The following SERPINB8 variants were observed in gnomAD, a reference collection of about 807,000 sequenced individuals.
The protein encoded by SERPINB8 is serpin B8.
SERPINB8 carries 25 observed loss-of-function variants against 35.3 expected under a neutral mutation model. The ratio of observed to expected loss-of-function variants is 0.71; its 90% confidence interval spans 0.52 to 0.99. The LOEUF is 0.99. Among genes scored for constraint, SERPINB8 ranks in the 50% least tolerant of loss-of-function variants. SERPINB8 has a pLI of 0.00. For synonymous variants in SERPINB8, 186 were observed against 160.8 expected (o/e 1.16, Z -1.19); for missense variants, 484 against 446.5 (o/e 1.08, Z -0.76).
At chr18:63,997,760 C>G (rs2050857067) in intron 1 of SERPINB8, among the ~76,000 whole-genome samples, 1 of 152,220 alleles carries the variant, frequency 6.6e-6, no homozygotes, top group African/African-American at 2.4e-5. Context: ...ATGTAAAACA[C>G]ATCCCTCTCT....
In SERPINB8 at chr18:63,979,861, G is replaced by A; in HGVS notation, c.229G>A (p.Val77Ile). 6.2e-7 allele frequency: 1 copy of A among 1,614,116 alleles called. No homozygotes were observed. Among genetic ancestry groups the A allele is most frequent in the South Asian group, 1.1e-5 (1 of 91,076 alleles). The change falls in exon 3 of 7, where the codon GTT becomes ATT. Residue 77 changes from valine to isoleucine, a missense_variant. Val to Ile is a conservative substitution (Grantham distance 29). Transcript: ENST00000397985. Reference protein sequence around the residue: ...HRGFQSLLSEVNRTGTQYLLR... With the variant: ...HRGFQSLLSEINRTGTQYLLR... ...AGGTTTCCAGTCACTTCTCAGTGAA[G>A]TTAACAGAACTGGCACTCAGTACTT...
At chr18:64,001,969 G>T (rs1185713729) in intron 1 of SERPINB8, among the ~76,000 whole-genome samples, 3 of 152,174 alleles carry the variant, frequency 2.0e-5, no homozygotes, top group Non-Finnish European at 4.4e-5. Context: ...TGTCCTGGAC[G>T]TGAAATGCTT....
At chr18:64,009,109 T>G (rs213079), downstream of SERPINB8, among the ~76,000 whole-genome samples, 132,628 of 152,182 alleles carry the variant, frequency 0.87, 57,907 homozygotes, top group East Asian at 0.93. Flanking sequence ...CTCAAAAACC[T>G]TAAGATTCTT....
At chr18:63,977,044 G>T (rs994105422) in intron 1 of SERPINB8, among the ~76,000 whole-genome samples, 1 of 151,910 alleles carries the variant, frequency 6.6e-6, no homozygotes, top group East Asian at 1.9e-4. Flanking sequence ...TATTGATAAA[G>T]AATTACATAT....
chr18:63,985,220 C>G lies in SERPINB8; in HGVS notation c.695C>G (p.Pro232Arg), dbSNP rs141770995. The G allele has an allele frequency of 2.5e-5, 41 of 1,614,040 alleles. 1 individual carries two copies. The African/African-American group carries it at 5.1e-4, about 20-fold the overall frequency. ...GAGCTGAGCATGGTCATTCTGCTTC[C>G]CGATGACAACACGGACCTCGCCGTG... ...EEELSMVILL[P>R]DDNTDLAVVE... Residue 232 changes from proline to arginine, a missense_variant, in exon 6 of 7, where the codon CCC (proline) becomes CGC (arginine). By Grantham distance (103) the Pro-to-Arg change is moderately radical. Transcript: ENST00000397985.
chr18:63,981,790 G>A lies in SERPINB8; in HGVS notation c.376G>A (p.Glu126Lys), dbSNP rs2050675773. 1 of 1,613,796 alleles carries A rather than the reference G, an allele frequency of 6.2e-7. No homozygotes were observed. The highest frequency in any genetic ancestry group is 1.1e-5 in the South Asian group (1 of 91,076). The change falls in exon 4 of 7, where the codon GAA (glutamate) becomes AAA (lysine). Residue 126 changes from glutamate to lysine, a missense_variant. Transcript: ENST00000397985. ...GGAGTTGTCCTTTGCTGAAGACACT[G>A]AAGAGTGCAGGAAGCATATAAATGA... ...LEELSFAEDTEECRKHINDWV... is the reference protein window; with the variant it reads ...LEELSFAEDTKECRKHINDWV...
intron 6 of SERPINB8, among the ~76,000 whole-genome samples, chr18:63,985,716 C>G (rs2050743408): frequency 6.6e-6 from 1 of 152,052 alleles, no homozygotes; most frequent in South Asian, 2.1e-4. Context: ...TGGAACCACA[C>G]TATGAATAGC....
chr18:64,001,607 C>T (rs1048255069), intron 1 of SERPINB8, among the ~76,000 whole-genome samples: 1 of 152,126 alleles, frequency 6.6e-6, no homozygotes, highest in Admixed American at 6.5e-5. Flanking sequence ...TCTCATGCCT[C>T]AGCCTCCCAA....
At chr18:63,989,608 T>G (rs2050810004), downstream of SERPINB8, among the ~76,000 whole-genome samples, 1 of 152,156 alleles carries the variant, frequency 6.6e-6, no homozygotes, top group Admixed American at 6.5e-5. Flanking sequence ...TACCGGCTTT[T>G]GGTTGCATTT....
intron 3 of SERPINB8, among the ~76,000 whole-genome samples, chr18:63,980,719 C>G (rs3786344): frequency 0.019 from 2,958 of 152,306 alleles, 68 homozygotes; most frequent in East Asian, 0.085. Context: ...GCCTGATCTA[C>G]TACTGTTGTA....
At position 64,001,475 on chromosome 18, in the gene SERPINB8, G is replaced by GTTTATTTATTTATTTATTTA. The variant is rs59133514; in HGVS notation, c.71-3335_71-3316dup. 2.7e-3 allele frequency among the ~76,000 whole-genome samples: 393 copies of GTTTATTTATTTATTTATTTA among 146,904 alleles called. 3 individuals carry two copies. The highest frequency in any genetic ancestry group is 3.8e-3 in the South Asian group (18 of 4,694). On this transcript the variant is annotated intron_variant, in intron 1 of 1. Coordinates refer to the SERPINB8 transcript ENST00000493661. ...TCTTTTCTTTTCTGTTTGTTTGTTT[G>GTTTATTTATTTATTTATTTA]TTTATTTATTTATTTATTTATTTAT...
At chr18:64,004,642 T>G (rs1272428498) in intron 1 of SERPINB8, among the ~76,000 whole-genome samples, 1 of 152,232 alleles carries the variant, frequency 6.6e-6, no homozygotes, top group Non-Finnish European at 1.5e-5. Flanking sequence ...TTTGGAAATT[T>G]GAAAGCTTGC....
chr18:64,004,845 C>T, exon 2 of SERPINB8: 1 of 398,550 alleles, frequency 2.5e-6, no homozygotes, highest in Non-Finnish European at 4.4e-6. Context: ...CAAGCTTCTT[C>T]TGTGACATTC....
chr18:63,989,385 T>C (rs1166375066), downstream of SERPINB8: 4 of 152,346 alleles, frequency 2.6e-5, no homozygotes, highest in African/African-American at 9.6e-5. Flanking sequence ...CATCTTTGTA[T>C]GGACATATGT....
chr18:63,981,925 C>G (rs2050678828), intron 4 of SERPINB8, 87 bp downstream of exon 4: 1 of 868,298 alleles, frequency 1.2e-6, no homozygotes, highest in East Asian at 2.4e-5. Context: ...GGTGTTGCCA[C>G]TGTGACCTGC....
At chr18:64,011,139 A>G (rs939395142) in intron 7 of SERPINB8, among the ~76,000 whole-genome samples, 2 of 152,052 alleles carry the variant, frequency 1.3e-5, no homozygotes, top group Non-Finnish European at 2.9e-5. Context: ...TTTCCCTACT[A>G]AAAGACAAAA....
intron 7 of SERPINB8, among the ~76,000 whole-genome samples, chr18:64,011,866 G>T (rs2050927370): frequency 6.6e-6 from 1 of 152,086 alleles, no homozygotes; most frequent in African/African-American, 2.4e-5. Flanking sequence ...CTGGGCTATT[G>T]TATTAACTAT....
At chr18:64,009,495 G>A (rs906932449), downstream of SERPINB8, among the ~76,000 whole-genome samples, 1 of 152,236 alleles carries the variant, frequency 6.6e-6, no homozygotes, top group Non-Finnish European at 1.5e-5. Flanking sequence ...TAGACAAACA[G>A]ATCAATGGCA....
At chr18:64,016,219 C>G (rs1477423168) in intron 7 of SERPINB8, among the ~76,000 whole-genome samples, 2 of 152,164 alleles carry the variant, frequency 1.3e-5, no homozygotes, top group Non-Finnish European at 2.9e-5. Flanking sequence ...CTTTGCTTAT[C>G]CAATGGTTCA....
Sources: allele counts gnomAD v4.1 joint callset (sites outside exome capture counted in the v4.1 genomes callset), GRCh38; gene constraint gnomAD v4.1.1; transcripts MANE v1.5; gene names NCBI Gene and HGNC (gene_info 2026-07-23, HGNC 2026-07-21).